Variants in NALF1 observed in about 807,000 individuals in gnomAD.
NALF1 encodes the protein NALCN channel auxiliary factor 1, also known as family with sequence similarity 155 member A.
Under a neutral mutation model 48.4 loss-of-function variants are expected in NALF1, and 3 were observed. That is an observed-to-expected ratio of 0.06 (90% CI 0.03 to 0.16). NALF1 has a LOEUF of 0.16. Ranked by LOEUF, NALF1 falls within the 10% of genes least tolerant of loss-of-function variation. NALF1 has a pLI of 1.00. For missense variants in NALF1, 526 were observed against 571.5 expected (o/e 0.92, Z 0.81); for synonymous variants, 262 against 245.7 (o/e 1.07, Z -0.62).
intron 1 of NALF1, among the ~76,000 whole-genome samples, chr13:107,818,286 G>T (rs998926091): frequency 6.6e-6 from 1 of 152,128 alleles, no homozygotes. Flanking sequence ...TTAAGGGATT[G>T]GGGGACATCA....
chr13:107,222,180 A>G (rs185800791), intron 1 of NALF1, among the ~76,000 whole-genome samples: 1 of 152,342 alleles, frequency 6.6e-6, no homozygotes, highest in East Asian at 1.9e-4. Context: ...GCCTATCACT[A>G]GAAGTAACCG....
intron 1 of NALF1, among the ~76,000 whole-genome samples, chr13:107,224,960 C>T (rs753015172): frequency 1.6e-4 from 25 of 152,050 alleles, no homozygotes; most frequent in Non-Finnish European, 2.6e-4. Flanking sequence ...CAATTTCATA[C>T]CTAAGTGGGA....
intron 1 of NALF1, among the ~76,000 whole-genome samples, chr13:107,780,287 C>A (rs1877851574): frequency 6.6e-6 from 1 of 152,038 alleles, no homozygotes; most frequent in Non-Finnish European, 1.5e-5. Context: ...CCCAACTAAA[C>A]ACTTTACCTT....
chr13:107,711,304 A>G (rs1875583710), intron 1 of NALF1, among the ~76,000 whole-genome samples: 1 of 152,220 alleles, frequency 6.6e-6, no homozygotes, highest in African/African-American at 2.4e-5. Context: ...TTGTGATACT[A>G]AACCAAACTC....
chr13:107,325,853 C>CATATATAT (rs1385871427), intron 1 of NALF1, among the ~76,000 whole-genome samples: 928 of 49,062 alleles, frequency 0.019, 5 homozygotes, highest in Non-Finnish European at 0.026. Flanking sequence ...CACACACACA[C>CATATATAT]ACATATATAT....
chr13:107,669,696 T>A (rs1880947082), intron 1 of NALF1, among the ~76,000 whole-genome samples: 1 of 152,246 alleles, frequency 6.6e-6, no homozygotes, highest in Admixed American at 6.5e-5. Context: ...GTGTTTTCTG[T>A]TGATGTTCAT....
chr13:107,414,554 C>G (rs9301221), intron 1 of NALF1, among the ~76,000 whole-genome samples: 1 of 150,542 alleles, frequency 6.6e-6, no homozygotes, highest in Non-Finnish European at 1.5e-5. Context: ...TATAGTCAGC[C>G]TCATCATTGC....
intron 1 of NALF1, among the ~76,000 whole-genome samples, chr13:107,804,349 G>C (rs1049330657): frequency 6.6e-6 from 1 of 151,998 alleles, no homozygotes; most frequent in Admixed American, 6.6e-5. Context: ...AGACAGACAC[G>C]GTCCAGTTCT....
intron 1 of NALF1, among the ~76,000 whole-genome samples, chr13:107,706,875 T>C (rs1186624219): frequency 6.6e-6 from 1 of 151,500 alleles, no homozygotes; most frequent in Non-Finnish European, 1.5e-5. Flanking sequence ...TGAAAACATA[T>C]GGGGAGAGGG....
chr13:107,557,528 T>C (rs1355076017), intron 1 of NALF1, among the ~76,000 whole-genome samples: 2 of 152,108 alleles, frequency 1.3e-5, no homozygotes, highest in Non-Finnish European at 2.9e-5. Flanking sequence ...GAAGGGACAC[T>C]GGAAGCCCCT....
At chr13:107,847,603 G>A (rs75212490) in intron 1 of NALF1, among the ~76,000 whole-genome samples, 1 of 152,210 alleles carries the variant, frequency 6.6e-6, no homozygotes, top group African/African-American at 2.4e-5. Context: ...ACTTTGGAGA[G>A]GGTCACAGGC....
intron 1 of NALF1, among the ~76,000 whole-genome samples, chr13:107,856,431 T>G (rs1030279890): frequency 4.6e-5 from 7 of 152,190 alleles, no homozygotes; most frequent in African/African-American, 1.7e-4. Flanking sequence ...CCAGAAGAGA[T>G]GAGACAGTAT....
intron 1 of NALF1, among the ~76,000 whole-genome samples, chr13:107,597,161 T>C (rs1203027033): frequency 6.6e-6 from 1 of 152,132 alleles, no homozygotes; most frequent in Non-Finnish European, 1.5e-5. Context: ...ATAAGGTGAA[T>C]AAACAGATTT....
intron 2 of NALF1, among the ~76,000 whole-genome samples, chr13:107,194,008 TTATCTATCTATCTATCTATC>T (rs71772534): frequency 0.014 from 1,904 of 138,988 alleles, 41 homozygotes; most frequent in African/African-American, 0.048. Flanking sequence ...CCTATCTATC[TTATCTATCTATCTATCTATC>T]TATCTATCTA....
chr13:107,209,822 A>C (rs2138803672), intron 2 of NALF1, among the ~76,000 whole-genome samples: 1 of 152,284 alleles, frequency 6.6e-6, no homozygotes, highest in Admixed American at 6.5e-5. Context: ...TTGTTATAGA[A>C]GAGAATGCAG....
Position 107,420,825 on chromosome 13 carries a change from C to T in NALF1, c.916-210070G>A, listed in dbSNP as rs571018351. Reference sequence around the variant, plus strand: ...TCACCTGAATAACATACATTGTATCCATTAATTAATTTCTCACTTTCGTTT... The same window carrying T: ...TCACCTGAATAACATACATTGTATCTATTAATTAATTTCTCACTTTCGTTT... On this transcript the variant is annotated intron_variant, in intron 1 of 2. Transcript: ENST00000375915. Among the ~76,000 whole-genome samples the T allele has an allele frequency of 3.9e-5, 6 of 152,082 alleles. 1 individual carries two copies. The highest frequency in any genetic ancestry group is 8.8e-5 in the Non-Finnish European group (6 of 68,020).
chr13:107,190,765 C>T (rs572018722), intron 2 of NALF1, among the ~76,000 whole-genome samples: 1 of 152,236 alleles, frequency 6.6e-6, no homozygotes, highest in East Asian at 1.9e-4. Context: ...ATTGAATGGA[C>T]TTCCAGTAAT....
intron 1 of NALF1, among the ~76,000 whole-genome samples, chr13:107,433,450 G>T (rs1366881674): frequency 6.6e-6 from 1 of 152,028 alleles, no homozygotes; most frequent in African/African-American, 2.4e-5. Flanking sequence ...TAGAGTTACA[G>T]ATTATGGAAA....
chr13:107,230,807 C>A (rs1171061245), intron 1 of NALF1, among the ~76,000 whole-genome samples: 1 of 152,028 alleles, frequency 6.6e-6, no homozygotes, highest in Non-Finnish European at 1.5e-5. Flanking sequence ...TGGCTGTAAT[C>A]CCAGCACGTT....
Sources: gnomAD v4.1 joint callset for allele counts (sites outside exome capture counted in the v4.1 genomes callset) on GRCh38, gnomAD v4.1.1 for gene constraint, MANE v1.5 for transcripts, NCBI Gene and HGNC (gene_info 2026-07-23, HGNC 2026-07-21) for gene names.